The following WDR70 variants were observed in gnomAD, a reference collection of about 807,000 sequenced individuals.
The protein encoded by WDR70 is WD repeat domain 70.
A neutral mutation model predicts 88.6 loss-of-function variants in WDR70; 53 were observed. That is an observed-to-expected ratio of 0.60 (90% CI 0.48 to 0.75). The LOEUF (loss-of-function observed/expected upper bound fraction) is 0.75, where lower values mean the gene tolerates loss of function less well. Ranked by LOEUF, WDR70 falls within the 30% of genes least tolerant of loss-of-function variation. WDR70 has a pLI of 0.00. For synonymous variants in WDR70, 280 were observed against 270.0 expected, an observed-to-expected ratio of 1.04 and a Z score of -0.36; for missense variants, 610 against 823.2, an observed-to-expected ratio of 0.74 and a Z score of 3.17.
At position 37,563,531 on chromosome 5, in the gene WDR70, AT is replaced by A. The variant is rs1215527976; in HGVS notation, c.918-41532del. Among the ~76,000 whole-genome samples the A allele has an allele frequency of 8.0e-3, 432 of 54,302 alleles. 43 individuals carry two copies. The highest frequency in any genetic ancestry group is 0.025 in the African/African-American group (407 of 16,482). 35.6% of individuals were successfully genotyped at this position (54,302 alleles called of 152,430 possible). A position where few individuals can be genotyped will look rare whatever the true frequency, so the allele number is the denominator to read the frequency against. ...GGCAGAGGCGCCCCTCACCTCCCGG[AT>A]GGGGCGGCTGGCCGGGCGGGGGGCT... is the stretch of plus-strand genomic sequence containing the variant. On this transcript the variant is annotated intron_variant, in intron 9 of 17. Transcript: ENST00000265107.
chr5:37,541,832 T>TA (rs1049942623), intron 9 of WDR70, among the ~76,000 whole-genome samples: 2 of 152,126 alleles, frequency 1.3e-5, no homozygotes, highest in African/African-American at 2.4e-5. Flanking sequence ...CCAGAGACTT[T>TA]AAAAAAAATC....
rs549956235 is a variant in WDR70, at chr5:37,613,698, T to C, written c.1092+8460T>C. Among the ~76,000 whole-genome samples the C allele has an allele frequency of 5.3e-4, 81 of 152,336 alleles. 1 individual carries two copies. The highest frequency in any genetic ancestry group is 1.9e-3 in the African/African-American group (78 of 41,588). ...TTGTTGTTTTTGTTATTATTATTAT[T>C]GCACTTACTAAGTACTTACTGTGAG... is the stretch of plus-strand genomic sequence containing the variant. On this transcript the variant is annotated intron_variant, in intron 10 of 17. Coordinates refer to ENST00000265107, the MANE Select transcript of WDR70 (RefSeq NM_018034.4).
intron 7 of WDR70, among the ~76,000 whole-genome samples, chr5:37,443,946 C>G (rs1161655751): frequency 6.6e-6 from 1 of 151,644 alleles, no homozygotes; most frequent in Non-Finnish European, 1.5e-5. Flanking sequence ...GTCAGGAGTT[C>G]GAGACCAGCC....
At chr5:37,702,366 T>C (rs185126363) in intron 12 of WDR70, among the ~76,000 whole-genome samples, 1 of 152,316 alleles carries the variant, frequency 6.6e-6, no homozygotes, top group African/African-American at 2.4e-5. Flanking sequence ...CTTAGATTAG[T>C]CACAATCAGA....
At chr5:37,452,987 G>T (rs917847467) in intron 7 of WDR70, among the ~76,000 whole-genome samples, 2 of 152,208 alleles carry the variant, frequency 1.3e-5, no homozygotes, top group African/African-American at 4.8e-5. Flanking sequence ...CTTTGGTGCT[G>T]TGGTATTCTT....
At chr5:37,466,567 A>G (rs1395680897) in intron 7 of WDR70, among the ~76,000 whole-genome samples, 7 of 151,854 alleles carry the variant, frequency 4.6e-5, no homozygotes, top group African/African-American at 1.7e-4. Context: ...TTAGCCGGGC[A>G]TGGTGGCGGG....
At chr5:37,394,358 A>C (rs1204438224) in intron 4 of WDR70, among the ~76,000 whole-genome samples, 2 of 152,046 alleles carry the variant, frequency 1.3e-5, no homozygotes, top group African/African-American at 4.8e-5. Context: ...TAAGGGGGAA[A>C]ATTTTGGAGT....
chr5:37,700,328 A>T (rs1747119032), intron 11 of WDR70: 1 of 152,276 alleles, frequency 6.6e-6, no homozygotes, highest in Admixed American at 6.5e-5. Flanking sequence ...ATTTATTTTT[A>T]AGATACATAT....
chr5:37,437,849 T>G, intron 5 of WDR70, 73 bp from the exon 6 acceptor site: 2 of 1,385,650 alleles, frequency 1.4e-6, no homozygotes, highest in Admixed American at 5.1e-5. Context: ...TTGTATTTCC[T>G]GTGAAATGTG....
At chr5:37,543,991 C>T (rs554371317) in intron 9 of WDR70, among the ~76,000 whole-genome samples, 1 of 152,212 alleles carries the variant, frequency 6.6e-6, no homozygotes, top group African/African-American at 2.4e-5. Flanking sequence ...AGTCTGGTCT[C>T]GAACTCCTGA....
At chr5:37,558,082 G>A (rs1178810577) in intron 9 of WDR70, among the ~76,000 whole-genome samples, 1 of 151,552 alleles carries the variant, frequency 6.6e-6, no homozygotes, top group Non-Finnish European at 1.5e-5. Flanking sequence ...TATGCCAACC[G>A]CCTTGGCTAT....
At chr5:37,551,231 G>A (rs1361813632) in intron 9 of WDR70, among the ~76,000 whole-genome samples, 1 of 151,486 alleles carries the variant, frequency 6.6e-6, no homozygotes, top group Admixed American at 6.6e-5. Context: ...CTTGAACCCG[G>A]GAGGCAGAGG....
intron 3 of WDR70, among the ~76,000 whole-genome samples, chr5:37,390,462 C>T (rs1748776858): frequency 1.3e-5 from 2 of 151,588 alleles, no homozygotes; most frequent in Admixed American, 1.3e-4. Context: ...GCCTCAGCCT[C>T]CTGTGTAGCT....
At chr5:37,715,932 A>G (rs993686935) in intron 13 of WDR70, among the ~76,000 whole-genome samples, 1 of 152,076 alleles carries the variant, frequency 6.6e-6, no homozygotes, top group African/African-American at 2.4e-5. Context: ...ACACGCACAC[A>G]CACACACCCA....
chr5:37,522,266 A>G (rs1581362242), intron 9 of WDR70, among the ~76,000 whole-genome samples: 3 of 152,042 alleles, frequency 2.0e-5, no homozygotes, highest in Admixed American at 2.0e-4. Context: ...AGGTCAGGAA[A>G]TGAGACCATC....
intron 7 of WDR70, among the ~76,000 whole-genome samples, chr5:37,448,020 G>A (rs1197091971): frequency 6.6e-6 from 1 of 152,126 alleles, no homozygotes; most frequent in Admixed American, 6.6e-5. Flanking sequence ...GAAGAGGCAG[G>A]ATAAAAGCTT....
At chr5:37,475,496 C>T (rs1228153101) in intron 7 of WDR70, among the ~76,000 whole-genome samples, 2 of 152,168 alleles carry the variant, frequency 1.3e-5, no homozygotes, top group Non-Finnish European at 2.9e-5. Context: ...CCTTGGCCTC[C>T]CAAAGTGCTG....
intron 10 of WDR70, 112 bp from the exon 11 acceptor site, chr5:37,697,543 G>T: frequency 1.3e-6 from 1 of 781,896 alleles, no homozygotes; most frequent in Non-Finnish European, 2.1e-6. Context: ...TTAGTACTTT[G>T]CTTATAGGTG....
At chr5:37,721,979 A>G (rs1431147667) in intron 14 of WDR70, 1 of 152,116 alleles carries the variant, frequency 6.6e-6, no homozygotes, top group Non-Finnish European at 1.5e-5. Context: ...CCTTTGAGGA[A>G]AGGAAAGCCA....
Sources: gnomAD v4.1 joint callset for allele counts (sites outside exome capture counted in the v4.1 genomes callset) on GRCh38, gnomAD v4.1.1 for gene constraint, MANE v1.5 for transcripts, NCBI Gene and HGNC (gene_info 2026-07-23, HGNC 2026-07-21) for gene names.